EXOC6B: variants seen among roughly 807,000 people sequenced by gnomAD.
EXOC6B encodes exocyst complex component 6B.
A neutral mutation model predicts 113.5 loss-of-function variants in EXOC6B; 54 were observed. That is an observed-to-expected ratio of 0.48 (90% CI 0.38 to 0.60). The LOEUF (loss-of-function observed/expected upper bound fraction) is 0.60, where lower values mean the gene tolerates loss of function less well. Among genes scored for constraint, EXOC6B ranks in the 20% least tolerant of loss-of-function variants. EXOC6B has a pLI of 0.00. For synonymous variants in EXOC6B, 357 were observed against 339.0 expected (o/e 1.05, Z -0.58); for missense variants, 797 against 977.5 (o/e 0.82, Z 2.46).
At chr2:72,306,583 C>G (rs1475820566) in intron 20 of EXOC6B, among the ~76,000 whole-genome samples, 1 of 152,098 alleles carries the variant, frequency 6.6e-6, no homozygotes, top group African/African-American at 2.4e-5. Context: ...AGTAACGGTG[C>G]AGCTACAAAC....
intron 11 of EXOC6B, among the ~76,000 whole-genome samples, chr2:72,502,489 A>G (rs1700378021): frequency 6.6e-6 from 1 of 152,200 alleles, no homozygotes; most frequent in South Asian, 2.1e-4. Flanking sequence ...CAGAGGTTGC[A>G]GTGAGCAGAG....
At chr2:72,738,442 AT>A (rs564711491) in intron 2 of EXOC6B, among the ~76,000 whole-genome samples, 43 of 152,244 alleles carry the variant, frequency 2.8e-4, no homozygotes, top group African/African-American at 8.4e-4. Context: ...AGTCTTCCTC[AT>A]TTTTTAACAT....
At chr2:72,572,826 T>C (rs1179382983) in intron 7 of EXOC6B, among the ~76,000 whole-genome samples, 1 of 152,226 alleles carries the variant, frequency 6.6e-6, no homozygotes, top group African/African-American at 2.4e-5. Flanking sequence ...TTGAAGAAGA[T>C]TCAAACTGAG....
intron 1 of EXOC6B, among the ~76,000 whole-genome samples, chr2:72,745,199 T>G (rs1037013238): frequency 7.9e-5 from 12 of 152,164 alleles, no homozygotes; most frequent in Admixed American, 7.9e-4. Flanking sequence ...ACACCTGTAA[T>G]TCCAGCACTT....
intron 8 of EXOC6B, among the ~76,000 whole-genome samples, chr2:72,520,896 G>C (rs945658506): frequency 6.6e-6 from 1 of 152,070 alleles, no homozygotes; most frequent in Non-Finnish European, 1.5e-5. Flanking sequence ...AGGATGAACT[G>C]TACAGCCACC....
chr2:72,401,643 A>G (rs1479906849), intron 18 of EXOC6B, among the ~76,000 whole-genome samples: 2 of 53,496 alleles, frequency 3.7e-5, no homozygotes, highest in Non-Finnish European at 5.9e-5. Flanking sequence ...ATATACATAT[A>G]TACATATATA....
chr2:72,379,648 A>C, intron 19 of EXOC6B, 81 bp downstream of exon 19: 1 of 1,446,510 alleles, frequency 6.9e-7, no homozygotes. Flanking sequence ...CAAGGACCCT[A>C]AACACCTAAA....
chr2:72,445,216 C>A (rs1474431342), intron 18 of EXOC6B, among the ~76,000 whole-genome samples: 1 of 152,198 alleles, frequency 6.6e-6, no homozygotes, highest in African/African-American at 2.4e-5. Context: ...GTGACCATTG[C>A]TCCAGTTCCC....
intron 5 of EXOC6B, among the ~76,000 whole-genome samples, chr2:72,729,664 A>G (rs2104767929): frequency 6.6e-6 from 1 of 152,040 alleles, no homozygotes; most frequent in East Asian, 1.9e-4. Flanking sequence ...GCCTCGAGTG[A>G]TCCACCCGCC....
intron 18 of EXOC6B, among the ~76,000 whole-genome samples, chr2:72,433,792 T>TAAG (rs1695689241): frequency 2.0e-5 from 3 of 151,746 alleles, no homozygotes; most frequent in East Asian, 1.9e-4. Context: ...CTTAACAGCT[T>TAAG]GAGTTTTTGG....
intron 20 of EXOC6B, among the ~76,000 whole-genome samples, chr2:72,189,821 A>C (rs1371232290): frequency 4.5e-5 from 3 of 67,182 alleles, no homozygotes; most frequent in Admixed American, 2.1e-4. Context: ...TCTTTCCTTC[A>C]TTCTCTCTGT....
chr2:72,807,926 G>A (rs898844073), intron 1 of EXOC6B, among the ~76,000 whole-genome samples: 4 of 152,042 alleles, frequency 2.6e-5, no homozygotes, highest in Non-Finnish European at 4.4e-5. Context: ...TAATTTAACT[G>A]TACATTTTTA....
rs554701674 is a variant in EXOC6B, at chr2:72,278,005, T to C, written c.2196+56942A>G. ...AAAAATTAAAAAAAATTATCATCTC[T>C]TGAAGGCGGGAGCTTTGGCCTGTTT... On this transcript the variant is annotated intron_variant, in intron 20 of 21. Coordinates refer to ENST00000272427, the MANE Select transcript of EXOC6B (RefSeq NM_015189.3). Among the ~76,000 whole-genome samples the C allele has an allele frequency of 3.6e-4, 55 of 152,282 alleles. No individual in the cohort carries two copies. The South Asian group carries it at 9.5e-3, about 26-fold the overall frequency.
At chr2:72,227,541 G>A (rs1227268505) in intron 20 of EXOC6B, among the ~76,000 whole-genome samples, 1 of 152,124 alleles carries the variant, frequency 6.6e-6, no homozygotes, top group Non-Finnish European at 1.5e-5. Context: ...TTCAGTAACG[G>A]ATAAAAGAAG....
At chr2:72,752,313 C>G (rs898732399) in intron 1 of EXOC6B, among the ~76,000 whole-genome samples, 12 of 152,068 alleles carry the variant, frequency 7.9e-5, no homozygotes, top group Non-Finnish European at 1.3e-4. Context: ...ATAGATAGGT[C>G]ATCTCAATGC....
At chr2:72,714,023 ACT>A (rs1679443520) in intron 6 of EXOC6B, among the ~76,000 whole-genome samples, 1 of 151,776 alleles carries the variant, frequency 6.6e-6, no homozygotes, top group South Asian at 2.1e-4. Flanking sequence ...GGCATTACTT[ACT>A]CTCTTTCCCC....
chr2:72,730,577 G>GAC (rs1288008767), intron 5 of EXOC6B, among the ~76,000 whole-genome samples: 22 of 69,692 alleles, frequency 3.2e-4, no homozygotes, highest in African/African-American at 1.1e-3. Context: ...TAAACAGACA[G>GAC]AGACACACAC....
At chr2:72,625,792 C>A (rs945437006) in intron 6 of EXOC6B, among the ~76,000 whole-genome samples, 3 of 152,130 alleles carry the variant, frequency 2.0e-5, no homozygotes, top group East Asian at 1.9e-4. Flanking sequence ...ACCACCACAG[C>A]GGATTATTAC....
chr2:72,513,316 G>T, intron 10 of EXOC6B, 64 bp from the exon 11 acceptor site: 1 of 1,592,736 alleles, frequency 6.3e-7, no homozygotes, highest in Non-Finnish European at 8.6e-7. Flanking sequence ...TCTCTCTGGG[G>T]TTTGACAAGC....
Sources: gnomAD v4.1 joint callset for allele counts (sites outside exome capture counted in the v4.1 genomes callset) on GRCh38, gnomAD v4.1.1 for gene constraint, MANE v1.5 for transcripts, NCBI Gene and HGNC (gene_info 2026-07-23, HGNC 2026-07-21) for gene names.